TNIK: variants seen among roughly 807,000 people sequenced by gnomAD.
TNIK encodes the protein TRAF2 and NCK-interacting protein kinase.
A neutral mutation model predicts 191.3 loss-of-function variants in TNIK; 49 were observed. That is an observed-to-expected ratio of 0.26 (90% CI 0.20 to 0.32). The LOEUF is 0.32. TNIK is among the 10% of genes least tolerant of loss of function. The probability of loss-of-function intolerance (pLI) is 1.00; values close to 1 mark genes in which losing one functional copy is unlikely to be tolerated. For missense variants in TNIK, 1,155 were observed against 1,702.3 expected, an observed-to-expected ratio of 0.68 and a Z score of 5.66; for synonymous variants, 594 against 600.9, an observed-to-expected ratio of 0.99 and a Z score of 0.17.
chr3:171,292,880 T>C (rs1235034756), intron 2 of TNIK, among the ~76,000 whole-genome samples: 4 of 150,830 alleles, frequency 2.7e-5, no homozygotes, highest in Non-Finnish European at 5.9e-5. Context: ...TTTTCCCCTC[T>C]CACTCGCCAA....
chr3:171,390,833 C>G (rs985454749), intron 1 of TNIK, among the ~76,000 whole-genome samples: 3 of 152,288 alleles, frequency 2.0e-5, no homozygotes, highest in African/African-American at 7.2e-5. Flanking sequence ...CAGTTCTTAA[C>G]CTGTGCCCAT....
chr3:171,239,413 A>C (rs1744682578), intron 2 of TNIK, among the ~76,000 whole-genome samples: 1 of 152,234 alleles, frequency 6.6e-6, no homozygotes, highest in South Asian at 2.1e-4. Flanking sequence ...TTTTAGAAAA[A>C]ATAAATGAGC....
chr3:171,146,426 C>G (rs924126730), intron 12 of TNIK, among the ~76,000 whole-genome samples: 1 of 152,102 alleles, frequency 6.6e-6, no homozygotes, highest in Non-Finnish European at 1.5e-5. Context: ...CAAGTGATAT[C>G]CACATCTGAG....
chr3:171,320,007 A>G (rs1755013547), intron 2 of TNIK, among the ~76,000 whole-genome samples: 1 of 152,090 alleles, frequency 6.6e-6, no homozygotes, highest in African/African-American at 2.4e-5. Flanking sequence ...AGCGTAGGAG[A>G]GGAGAGTTTA....
intron 3 of TNIK, among the ~76,000 whole-genome samples, chr3:171,226,057 A>G (rs917653463): frequency 6.6e-6 from 1 of 152,170 alleles, no homozygotes; most frequent in African/African-American, 2.4e-5. Context: ...ATGGGTTTCT[A>G]TGTAGAGACT....
At position 171,177,380 on chromosome 3, in the gene TNIK, T is replaced by C. The variant is rs1276673055; in HGVS notation, c.640A>G (p.Ser214Gly). The change falls in exon 8 of 33, where the codon AGT (serine) becomes GGT (glycine). Residue 214 changes from serine (S) to glycine (G), a missense_variant and splice_region_variant. This residue lies in a region of TNIK where 225 missense variants were observed against 438.9 expected (regional missense o/e 0.51). Coordinates refer to ENST00000436636, the MANE Select transcript of TNIK (RefSeq NM_015028.4). ...ENPDATYDFKSDLWSLGITAI... is the reference protein window; with the variant it reads ...ENPDATYDFKGDLWSLGITAI... ...GTGATACCCAAAGACCACAAGTCAC[T>C]CTGAAAAAGAAGGGGCAGACACACA... The C allele has an allele frequency of 6.2e-7, 1 of 1,604,612 alleles. No homozygotes were observed.
chr3:171,460,387 C>T lies in TNIK; in HGVS notation c.-324G>A. 1 of 434,456 alleles carries T rather than the reference C, an allele frequency of 2.3e-6. No individual in the cohort carries two copies. Among genetic ancestry groups the T allele is most frequent in the Non-Finnish European group, 4.2e-6 (1 of 239,096 alleles). The allele number at this position is 434,456 out of a possible 1,614,324, so 26.9% of individuals were successfully genotyped here. On this transcript the variant is annotated 5_prime_UTR_variant, in exon 1 of 33. Coordinates refer to ENST00000436636, the MANE Select transcript of TNIK (RefSeq NM_015028.4). This position sits in a 1 kb window ranked among gnomAD's most constrained non-coding sequence, Gnocchi z 6.8. ...TGCTTCTTTGCTTGTGCGTGGATGG[C>T]GGCTGCATTGGCTGTTATAATGAGA...
At chr3:171,069,033 A>T (rs1413142709) in intron 29 of TNIK, 36 bp from the exon 30 acceptor site, 5 of 1,573,756 alleles carry the variant, frequency 3.2e-6, no homozygotes, top group Non-Finnish European at 2.6e-6. Flanking sequence ...CGCATCACTC[A>T]AAGAGGCATC....
intron 2 of TNIK, among the ~76,000 whole-genome samples, chr3:171,262,370 G>C (rs1747752065): frequency 6.6e-6 from 1 of 151,868 alleles, no homozygotes. Flanking sequence ...AAAGTGATTA[G>C]ATTGACAGAA....
intron 2 of TNIK, among the ~76,000 whole-genome samples, chr3:171,348,215 G>A (rs1559956999): frequency 6.6e-6 from 1 of 152,144 alleles, no homozygotes; most frequent in African/African-American, 2.4e-5. Context: ...ACTCCCTGGG[G>A]CACTCAGCTC....
At chr3:171,214,103 G>C (rs1023158871) in intron 3 of TNIK, among the ~76,000 whole-genome samples, 3 of 151,986 alleles carry the variant, frequency 2.0e-5, no homozygotes, top group African/African-American at 7.2e-5. Flanking sequence ...TTGATCTTAC[G>C]CAACTTTTTA....
intron 18 of TNIK, among the ~76,000 whole-genome samples, chr3:171,122,529 A>G (rs1329899879): frequency 6.6e-6 from 1 of 152,244 alleles, no homozygotes; most frequent in East Asian, 1.9e-4. Context: ...TCTTTGCCCT[A>G]AAGGAATTCA....
At chr3:171,178,996 G>A (rs1736309390) in intron 7 of TNIK, among the ~76,000 whole-genome samples, 1 of 152,162 alleles carries the variant, frequency 6.6e-6, no homozygotes, top group African/African-American at 2.4e-5. Flanking sequence ...TCTGCACAAT[G>A]TGGAGGGGGT....
intron 22 of TNIK, 141 bp downstream of exon 22, chr3:171,101,308 C>T (rs1723518763): frequency 7.8e-6 from 7 of 898,836 alleles, no homozygotes; most frequent in Admixed American, 2.6e-5. Flanking sequence ...AACTATGCTC[C>T]AACAAAAACC....
intron 21 of TNIK, among the ~76,000 whole-genome samples, chr3:171,103,252 A>AAAGTGAAAATAG (rs1723912022): frequency 6.6e-6 from 1 of 152,170 alleles, no homozygotes. Flanking sequence ...TCCATCTGTG[A>AAAGTGAAAATAG]AAGTGAAAAT....
intron 15 of TNIK, among the ~76,000 whole-genome samples, chr3:171,134,711 G>T (rs745645566): frequency 6.6e-6 from 1 of 152,202 alleles, no homozygotes; most frequent in Non-Finnish European, 1.5e-5. Flanking sequence ...GCAAATGACT[G>T]AGCATTTTCA....
rs61728094 is a variant in TNIK, at chr3:171,131,337, C to CAAAA, written c.1609-2463_1609-2460dup. Among the ~76,000 whole-genome samples the CAAAA allele has an allele frequency of 4.8e-3, 112 of 23,172 alleles. 19 individuals are homozygous for CAAAA. Among genetic ancestry groups the CAAAA allele is most frequent in the Non-Finnish European group, 8.5e-3 (76 of 8,902 alleles). 15.2% of individuals were successfully genotyped at this position (23,172 alleles called of 152,430 possible). On this transcript the variant is annotated intron_variant, in intron 15 of 32. Transcript: ENST00000436636. ...TGGGCGACAGAGCGAGACTCCGTCT[C>CAAAA]AAAAAAAAAAAAAAAAAAAAAAAAA... is the stretch of plus-strand genomic sequence containing the variant.
At chr3:171,332,436 G>A (rs1269207315) in intron 2 of TNIK, among the ~76,000 whole-genome samples, 4 of 152,180 alleles carry the variant, frequency 2.6e-5, no homozygotes, top group Non-Finnish European at 5.9e-5. Flanking sequence ...CAGAAAATTA[G>A]CCTTTTCTTA....
intron 7 of TNIK, among the ~76,000 whole-genome samples, chr3:171,179,813 A>C (rs1233848356): frequency 1.3e-5 from 2 of 152,186 alleles, no homozygotes; most frequent in Admixed American, 6.5e-5. Context: ...AGAAACACTG[A>C]ATCATTTGCT....
Sources: gnomAD v4.1 joint callset for allele counts (sites outside exome capture counted in the v4.1 genomes callset) on GRCh38, gnomAD v4.1.1 for gene constraint, gnomAD v4.1.1 regional missense constraint, Gnocchi (gnomAD v3.1) non-coding constraint, MANE v1.5 for transcripts, NCBI Gene and HGNC (gene_info 2026-07-23, HGNC 2026-07-21) for gene names.